Variants in NAPB observed in about 807,000 individuals in gnomAD.
The protein encoded by NAPB is NSF attachment protein beta.
NAPB carries 26 observed loss-of-function variants against 44.7 expected under a neutral mutation model. The observed-to-expected ratio is 0.58, with a 90% confidence interval of 0.43 to 0.81. The LOEUF is 0.81. Ranked by LOEUF, NAPB falls within the 30% of genes least tolerant of loss-of-function variation. The pLI is 0.00. For missense variants in NAPB, 315 were observed against 356.4 expected, an observed-to-expected ratio of 0.88 and a Z score of 0.94; for synonymous variants, 120 against 116.8, an observed-to-expected ratio of 1.03 and a Z score of -0.18.
chr20:23,385,318 T>G (rs1983408407), intron 7 of NAPB, among the ~76,000 whole-genome samples: 1 of 152,084 alleles, frequency 6.6e-6, no homozygotes, highest in Admixed American at 6.6e-5. Flanking sequence ...CATTATGTAA[T>G]GATAAAAGGG....
At chr20:23,399,562 G>A (rs755122005) in intron 2 of NAPB, among the ~76,000 whole-genome samples, 19 of 152,142 alleles carry the variant, frequency 1.2e-4, no homozygotes, top group Admixed American at 2.6e-4. Flanking sequence ...TGTTATAGCC[G>A]CAGGAAGAAA....
chr20:23,379,289 G>A, intron 10 of NAPB, 156 bp downstream of exon 10: 1 of 555,376 alleles, frequency 1.8e-6, no homozygotes, highest in Non-Finnish European at 3.1e-6. Context: ...TGTTTAATTT[G>A]TGTGATATAT....
intron 1 of NAPB, among the ~76,000 whole-genome samples, chr20:23,405,056 A>C (rs551304911): frequency 1.3e-5 from 2 of 151,952 alleles, no homozygotes; most frequent in East Asian, 2.0e-4. Context: ...TAATCCCAGC[A>C]CTTTGGGAGG....
intron 5 of NAPB, among the ~76,000 whole-genome samples, chr20:23,390,570 G>A (rs780852161): frequency 2.2e-4 from 34 of 152,210 alleles, no homozygotes; most frequent in Non-Finnish European, 3.5e-4. Flanking sequence ...CAGACATGTT[G>A]GGGGCCACTC....
At chr20:23,379,421 C>G (rs761618787) in intron 10 of NAPB, 24 bp downstream of exon 10, 1 of 1,564,376 alleles carries the variant, frequency 6.4e-7, no homozygotes, top group South Asian at 1.2e-5. Flanking sequence ...AAATAATGTA[C>G]CATGTCCCAA....
intron 1 of NAPB, among the ~76,000 whole-genome samples, chr20:23,410,407 T>G (rs909366245): frequency 6.6e-6 from 1 of 152,140 alleles, no homozygotes; most frequent in South Asian, 2.1e-4. Flanking sequence ...AGCTACTACA[T>G]AAGAAAGAAG....
At chr20:23,415,950 A>T (rs1317320362) in intron 1 of NAPB, among the ~76,000 whole-genome samples, 1 of 152,234 alleles carries the variant, frequency 6.6e-6, no homozygotes, top group Non-Finnish European at 1.5e-5. Flanking sequence ...TAGGCAACAG[A>T]GTGAGAGCTC....
At chr20:23,401,484 G>A (rs1297209352) in intron 2 of NAPB, among the ~76,000 whole-genome samples, 3 of 152,102 alleles carry the variant, frequency 2.0e-5, no homozygotes, top group Admixed American at 6.6e-5. Context: ...CAGATGACGC[G>A]GGGTGCACAT....
At chr20:23,402,376 T>A (rs1320265305) in intron 2 of NAPB, among the ~76,000 whole-genome samples, 1 of 152,176 alleles carries the variant, frequency 6.6e-6, no homozygotes, top group Admixed American at 6.5e-5. Flanking sequence ...CAAAGAGCCA[T>A]CCCATCTCAG....
intron 3 of NAPB, 64 bp from the exon 4 acceptor site, chr20:23,395,249 G>A (rs1227168467): frequency 2.6e-6 from 4 of 1,562,710 alleles, no homozygotes; most frequent in Non-Finnish European, 3.5e-6. Context: ...GTTCAGGTGA[G>A]GCTGTCTTCC....
At chr20:23,402,915 AG>A in intron 2 of NAPB, 77 bp downstream of exon 2, 4 of 1,130,046 alleles carry the variant, frequency 3.5e-6, no homozygotes, top group Non-Finnish European at 5.3e-6. Context: ...TTGCTCTTCA[AG>A]GGGAAAACAG....
At chr20:23,391,652 C>A (rs1983966352) in intron 5 of NAPB, among the ~76,000 whole-genome samples, 1 of 152,188 alleles carries the variant, frequency 6.6e-6, no homozygotes, top group South Asian at 2.1e-4. Flanking sequence ...CTTGTGGTAG[C>A]ATAAAAGCAG....
intron 1 of NAPB, among the ~76,000 whole-genome samples, chr20:23,403,788 A>T (rs1985034317): frequency 6.6e-6 from 1 of 152,252 alleles, no homozygotes; most frequent in African/African-American, 2.4e-5. Context: ...TGAAGGATAA[A>T]GACATCTTTA....
intron 1 of NAPB, among the ~76,000 whole-genome samples, chr20:23,404,596 T>C (rs74495533): frequency 0.028 from 4,213 of 152,258 alleles, 110 homozygotes; most frequent in South Asian, 0.038. Flanking sequence ...AATGTATACC[T>C]AGGAGTTATT....
chr20:23,403,799 C>T (rs533001478), intron 1 of NAPB, among the ~76,000 whole-genome samples: 1 of 152,222 alleles, frequency 6.6e-6, no homozygotes, highest in East Asian at 1.9e-4. Context: ...GACATCTTTA[C>T]CCTGTTATCT....
chr20:23,402,946 G>C (rs751561336), intron 2 of NAPB, 47 bp downstream of exon 2: 39 of 1,447,260 alleles, frequency 2.7e-5, no homozygotes, highest in East Asian at 1.8e-4. Context: ...CCTTCAAAGT[G>C]ATTTTAAACC....
At chr20:23,377,767 G>A (rs1423556646) in intron 10 of NAPB, among the ~76,000 whole-genome samples, 1 of 152,050 alleles carries the variant, frequency 6.6e-6, no homozygotes, top group Admixed American at 6.5e-5. Context: ...AATTATTGTG[G>A]CAAAAGTAAC....
chr20:23,388,301 T>A (rs575753578), intron 7 of NAPB, among the ~76,000 whole-genome samples: 2 of 152,058 alleles, frequency 1.3e-5, no homozygotes, highest in African/African-American at 2.4e-5. Flanking sequence ...ACACCTCTTA[T>A]TGGTTCTGTT....
intron 1 of NAPB, among the ~76,000 whole-genome samples, chr20:23,406,613 T>C (rs1028340339): frequency 3.2e-4 from 49 of 152,188 alleles, no homozygotes; most frequent in African/African-American, 1.0e-3. Context: ...TTCATGTCCC[T>C]TTCCCTCCAC....
Sources: gnomAD v4.1 joint callset for allele counts (sites outside exome capture counted in the v4.1 genomes callset) on GRCh38, gnomAD v4.1.1 for gene constraint, MANE v1.5 for transcripts, NCBI Gene and HGNC (gene_info 2026-07-23, HGNC 2026-07-21) for gene names.